ST6GALNAC3: variants seen among roughly 807,000 people sequenced by gnomAD.
ST6GALNAC3 encodes the protein alpha-N-acetylgalactosaminide alpha-2,6-sialyltransferase 3.
In ST6GALNAC3, 25 loss-of-function variants were observed where a neutral mutation model predicts 32.7. The observed-to-expected ratio is 0.76, with a 90% confidence interval of 0.56 to 1.07. The LOEUF is 1.07. ST6GALNAC3 is among the 50% of genes least tolerant of loss of function. The pLI is 0.00. For synonymous variants in ST6GALNAC3, 129 were observed against 133.1 expected, an observed-to-expected ratio of 0.97 and a Z score of 0.21; for missense variants, 355 against 382.4, an observed-to-expected ratio of 0.93 and a Z score of 0.60.
At chr1:76,578,428 AT>A (rs1283509030) in intron 3 of ST6GALNAC3, among the ~76,000 whole-genome samples, 2 of 151,942 alleles carry the variant, frequency 1.3e-5, no homozygotes, top group African/African-American at 2.4e-5. Context: ...TCTTGTTTTA[AT>A]TTCATCGGGC....
chr1:76,293,321 A>G (rs1377130054), intron 1 of ST6GALNAC3, among the ~76,000 whole-genome samples: 1 of 152,186 alleles, frequency 6.6e-6, no homozygotes, highest in Non-Finnish European at 1.5e-5. Flanking sequence ...CATCAGAAAA[A>G]CACAGATGCT....
At chr1:76,374,039 C>A (rs1001195353) in intron 2 of ST6GALNAC3, among the ~76,000 whole-genome samples, 1 of 152,126 alleles carries the variant, frequency 6.6e-6, no homozygotes, top group African/African-American at 2.4e-5. Flanking sequence ...GTTTATGCAG[C>A]CTATACTTTG....
At chr1:76,545,351 AAC>A (rs1664228243) in intron 3 of ST6GALNAC3, among the ~76,000 whole-genome samples, 1 of 152,262 alleles carries the variant, frequency 6.6e-6, no homozygotes, top group South Asian at 2.1e-4. Flanking sequence ...TAGGGTCAAA[AAC>A]ACACTTGCAT....
chr1:76,440,725 T>C (rs563884294), intron 3 of ST6GALNAC3, among the ~76,000 whole-genome samples: 2 of 152,240 alleles, frequency 1.3e-5, no homozygotes, highest in East Asian at 3.9e-4. Context: ...AGAGTCCCTG[T>C]CTGGCAATAA....
rs1464434458 is a variant in ST6GALNAC3 at position 76,631,581 on chromosome 1, G to A, written c.*2775G>A. On this transcript the variant is annotated 3_prime_UTR_variant, in exon 5 of 5. Coordinates refer to ENST00000328299, the MANE Select transcript of ST6GALNAC3 (RefSeq NM_152996.4). Reference sequence around the variant, plus strand: ...TGCACATTTCTGATCAATTCCCACAGATTCTGGTCAAATGAAAGATATTCT... The same window carrying A: ...TGCACATTTCTGATCAATTCCCACAAATTCTGGTCAAATGAAAGATATTCT... 1 of 152,002 alleles carries A rather than the reference G, an allele frequency of 6.6e-6. No homozygotes were observed. The highest frequency in any genetic ancestry group is 2.4e-5 in the African/African-American group (1 of 41,394). The allele number at this position is 152,002 out of a possible 1,614,324, so 9.4% of individuals were successfully genotyped here.
intron 2 of ST6GALNAC3, among the ~76,000 whole-genome samples, chr1:76,379,244 CT>C (rs941799202): frequency 1.3e-5 from 2 of 152,136 alleles, no homozygotes; most frequent in Non-Finnish European, 2.9e-5. Context: ...GGGTCCTAAT[CT>C]TTTGTTTAAC....
Position 76,307,200 on chromosome 1 carries a change from A to C in ST6GALNAC3, c.19-6605A>C, listed in dbSNP as rs147372563. Among the ~76,000 whole-genome samples, 106 of 152,206 alleles carry C rather than the reference A, an allele frequency of 7.0e-4. 1 individual carries two copies. The East Asian group carries it at 0.014, about 20-fold the overall frequency. ...AACATGGGAGCCTTGGGCCTTCTTT[A>C]CTTACCCATACCCCTAACAAATTAG... On this transcript the variant is annotated intron_variant, in intron 1 of 4. Transcript: ENST00000328299.
At chr1:76,238,475 A>G (rs1656781813) in intron 1 of ST6GALNAC3, among the ~76,000 whole-genome samples, 1 of 152,166 alleles carries the variant, frequency 6.6e-6, no homozygotes, top group Non-Finnish European at 1.5e-5. Flanking sequence ...ACATTTGTTG[A>G]GGGTATTTTT....
Position 76,631,116 on chromosome 1 carries a change from C to A in ST6GALNAC3, c.*2310C>A. 1.3e-6 allele frequency: 1 copy of A among 778,372 alleles called. No homozygotes were observed. The highest frequency in any genetic ancestry group is 1.6e-6 in the Non-Finnish European group (1 of 641,286). 48.2% of individuals were successfully genotyped at this position (778,372 alleles called of 1,614,324 possible). The stretch of plus-strand genomic sequence containing the variant: ...CTTCTGCAGTATATTGTATCCCTCA[C>A]TCTATAGCAGAAGGTGTGTGTGGAA... On this transcript the variant is annotated 3_prime_UTR_variant, in exon 5 of 5. Coordinates refer to ENST00000328299, the MANE Select transcript of ST6GALNAC3 (RefSeq NM_152996.4).
In ST6GALNAC3 at chr1:76,630,134, C is replaced by T; in HGVS notation, c.*1328C>T. On this transcript the variant is annotated 3_prime_UTR_variant, in exon 5 of 5. Transcript: ENST00000328299. ...GATGATCTGTAATTTGGTCATTGTTCTGTTATATTCCAGATTGCTCTACTT... is the reference window on the plus strand; with the variant it reads ...GATGATCTGTAATTTGGTCATTGTTTTGTTATATTCCAGATTGCTCTACTT... 2.0e-6 allele frequency: 2 copies of T among 985,118 alleles called. No individual in the cohort carries two copies. Among genetic ancestry groups the T allele is most frequent in the South Asian group, 9.4e-5 (2 of 21,278 alleles). The allele number at this position is 985,118 out of a possible 1,614,324, so 61.0% of individuals were successfully genotyped here. A position where few individuals can be genotyped will look rare whatever the true frequency, so the allele number is the denominator to read the frequency against.
At chr1:76,234,021 T>A (rs960677867) in intron 1 of ST6GALNAC3, among the ~76,000 whole-genome samples, 1 of 152,192 alleles carries the variant, frequency 6.6e-6, no homozygotes, top group Non-Finnish European at 1.5e-5. Flanking sequence ...TTTTATTAAA[T>A]AAATGTGAAA....
At chr1:76,525,791 G>GTATATATATATATATATATATATA (rs199721572) in intron 3 of ST6GALNAC3, among the ~76,000 whole-genome samples, 2 of 75,530 alleles carry the variant, frequency 2.6e-5, no homozygotes, top group Non-Finnish European at 6.0e-5. Context: ...GTGTGTGTGT[G>GTATATATATATATATATATATATA]TATATATATA....
At chr1:76,620,030 T>A (rs978311390) in intron 3 of ST6GALNAC3, among the ~76,000 whole-genome samples, 4 of 152,126 alleles carry the variant, frequency 2.6e-5, no homozygotes, top group Non-Finnish European at 5.9e-5. Context: ...AGCCTTGGTT[T>A]TGAAAATAGT....
chr1:76,179,244 G>A (rs549998855), intron 1 of ST6GALNAC3, among the ~76,000 whole-genome samples: 1 of 152,296 alleles, frequency 6.6e-6, no homozygotes, highest in South Asian at 2.1e-4. Context: ...TTTTGAGAGA[G>A]CATTGACTTT....
At chr1:76,210,845 C>T (rs1655113813) in intron 1 of ST6GALNAC3, among the ~76,000 whole-genome samples, 1 of 152,158 alleles carries the variant, frequency 6.6e-6, no homozygotes, top group African/African-American at 2.4e-5. Flanking sequence ...CTCCCAGGTT[C>T]AAGCAATTCT....
At position 76,509,604 on chromosome 1, in the gene ST6GALNAC3, G is replaced by C. The variant is rs920352854; in HGVS notation, c.623+97187G>C. On this transcript the variant is annotated intron_variant, in intron 3 of 4. Transcript: ENST00000328299. The surrounding 1 kb of genome is among the most constrained non-coding windows in gnomAD (Gnocchi z 5.5). ...TATAACAAATTATCACCAACTTTGT[G>C]GTTTAAAACAACACAAAGTTATTTT... is the stretch of plus-strand genomic sequence containing the variant. Among the ~76,000 whole-genome samples, 3 of 152,050 alleles carry C rather than the reference G, an allele frequency of 2.0e-5. No homozygotes were observed. The East Asian group carries it at 5.8e-4, about 29-fold the overall frequency.
chr1:76,511,311 C>T (rs1226770729), intron 3 of ST6GALNAC3, among the ~76,000 whole-genome samples: 1 of 152,186 alleles, frequency 6.6e-6, no homozygotes, highest in Non-Finnish European at 1.5e-5. Flanking sequence ...ACCTCACCTC[C>T]ACCTTCTCTT....
At chr1:76,485,343 A>G (rs1044504072) in intron 3 of ST6GALNAC3, among the ~76,000 whole-genome samples, 15 of 152,238 alleles carry the variant, frequency 9.9e-5, no homozygotes, top group African/African-American at 3.1e-4. Flanking sequence ...CTGTGAATCC[A>G]TCTGGTCCTG....
chr1:76,113,203 G>A lies in ST6GALNAC3; in HGVS notation c.18+38319G>A, dbSNP rs561139471. ...AAAATACGAAAACCAGTCAGGCGTG[G>A]CGGCGCGCGCCTGCAATCGCAGGCA... is the stretch of plus-strand genomic sequence containing the variant. On this transcript the variant is annotated intron_variant, in intron 1 of 4. Coordinates refer to ENST00000328299, the MANE Select transcript of ST6GALNAC3 (RefSeq NM_152996.4). 1.8e-3 allele frequency among the ~76,000 whole-genome samples: 278 copies of A among 152,192 alleles called. 1 individual carries two copies. The highest frequency in any genetic ancestry group is 3.4e-3 in the Non-Finnish European group (234 of 67,968).
Sources: allele counts gnomAD v4.1 joint callset (sites outside exome capture counted in the v4.1 genomes callset), GRCh38; gene constraint gnomAD v4.1.1; non-coding constraint Gnocchi (gnomAD v3.1); transcripts MANE v1.5; gene names NCBI Gene and HGNC (gene_info 2026-07-23, HGNC 2026-07-21).